Variants in CPNE4 observed in about 807,000 individuals in gnomAD.
The protein encoded by CPNE4 is copine-4.
In CPNE4, 25 loss-of-function variants were observed where a neutral mutation model predicts 67.9. The observed-to-expected ratio is 0.37, with a 90% confidence interval of 0.27 to 0.51. The LOEUF is 0.51. Ranked by LOEUF, CPNE4 falls within the 20% of genes least tolerant of loss-of-function variation. CPNE4 has a pLI of 0.93. For synonymous variants in CPNE4, 242 were observed against 244.9 expected, an observed-to-expected ratio of 0.99 and a Z score of 0.11; for missense variants, 464 against 690.8, an observed-to-expected ratio of 0.67 and a Z score of 3.68.
intron 2 of CPNE4, among the ~76,000 whole-genome samples, chr3:131,782,307 C>T (rs913173073): frequency 2.6e-5 from 4 of 152,072 alleles, no homozygotes; most frequent in Admixed American, 2.6e-4. Flanking sequence ...TTTACTATTA[C>T]TGTCTCATCT....
chr3:131,917,754 G>A (rs553320879), intron 1 of CPNE4, among the ~76,000 whole-genome samples: 4 of 152,318 alleles, frequency 2.6e-5, no homozygotes, highest in Admixed American at 2.0e-4. Context: ...TGCTGCAGAA[G>A]GGAACATTGG....
At position 131,601,107 on chromosome 3, in the gene CPNE4, G is replaced by A. The variant is rs987949944; in HGVS notation, c.682-13525C>T. Among the ~76,000 whole-genome samples, 5 of 152,160 alleles carry A rather than the reference G, an allele frequency of 3.3e-5. No homozygotes were observed. In the South Asian group the frequency reaches 6.2e-4, roughly 19 times the overall value. On this transcript the variant is annotated intron_variant, in intron 7 of 15. Transcript: ENST00000429747. ...GTATGGTGGAAACAGCAGCATTCTC[G>A]GGGTCATTCAGAATTCAATTCAAAT...
intron 2 of CPNE4, among the ~76,000 whole-genome samples, chr3:131,819,183 T>A (rs2084860957): frequency 6.6e-6 from 1 of 152,106 alleles, no homozygotes; most frequent in Non-Finnish European, 1.5e-5. Flanking sequence ...AAAGTATACA[T>A]CCAGTAATAC....
chr3:131,934,641 C>T (rs2071170048), intron 1 of CPNE4, among the ~76,000 whole-genome samples: 1 of 152,152 alleles, frequency 6.6e-6, no homozygotes, highest in African/African-American at 2.4e-5. Context: ...TCAGCTCCCA[C>T]TTATGAATGA....
intron 2 of CPNE4, among the ~76,000 whole-genome samples, chr3:131,813,345 G>A (rs563410641): frequency 2.0e-5 from 3 of 150,718 alleles, no homozygotes; most frequent in Non-Finnish European, 3.0e-5. Context: ...AGAATAGAAG[G>A]AGTTAACATA....
intron 7 of CPNE4, among the ~76,000 whole-genome samples, chr3:131,621,346 G>A (rs960391913): frequency 6.6e-6 from 1 of 152,122 alleles, no homozygotes; most frequent in African/African-American, 2.4e-5. Context: ...CTGGGCTCAA[G>A]TGATCCTCCT....
intron 3 of CPNE4, among the ~76,000 whole-genome samples, chr3:131,708,011 G>T (rs1395047882): frequency 6.6e-6 from 1 of 152,100 alleles, no homozygotes; most frequent in Non-Finnish European, 1.5e-5. Flanking sequence ...ACAAATGTTT[G>T]GGAAATGCTA....
chr3:131,600,633 C>T (rs536253525), intron 7 of CPNE4, among the ~76,000 whole-genome samples: 6 of 152,094 alleles, frequency 3.9e-5, no homozygotes, highest in South Asian at 2.1e-4. Context: ...ACTCTGACCC[C>T]GCCTCGAGAG....
At chr3:131,868,166 G>A (rs1341073806) in intron 2 of CPNE4, among the ~76,000 whole-genome samples, 1 of 152,124 alleles carries the variant, frequency 6.6e-6, no homozygotes, top group Non-Finnish European at 1.5e-5. Context: ...GTCCCCTGAT[G>A]TCATTTCTTT....
chr3:131,824,972 C>A (rs569415354), intron 2 of CPNE4, among the ~76,000 whole-genome samples: 5 of 152,098 alleles, frequency 3.3e-5, no homozygotes, highest in Non-Finnish European at 7.4e-5. Context: ...GATACTTGAA[C>A]TTCCACCATC....
At chr3:132,038,759 G>A (rs2107712053), upstream of CPNE4, among the ~76,000 whole-genome samples, 1 of 152,138 alleles carries the variant, frequency 6.6e-6, no homozygotes, top group East Asian at 1.9e-4. Context: ...CATTCCTCTG[G>A]GCTTAAGGAA....
At chr3:131,743,981 A>AAAAAAAAAAAAAAC (rs1560222926) in intron 2 of CPNE4, among the ~76,000 whole-genome samples, 1 of 148,962 alleles carries the variant, frequency 6.7e-6, no homozygotes, top group African/African-American at 2.4e-5. Context: ...AAAAAAAAAA[A>AAAAAAAAAAAAAAC]AAACAATAAA....
chr3:131,955,409 G>GGTTTTTTTTCTTTTTTTTTTTT (rs2071918898), intron 1 of CPNE4, among the ~76,000 whole-genome samples: 1 of 53,644 alleles, frequency 1.9e-5, no homozygotes, highest in Non-Finnish European at 3.9e-5. Context: ...TTGTATGTAA[G>GGTTTTTTTTCTTTTTTTTTTTT]GTTTTTTTTT....
intron 3 of CPNE4, among the ~76,000 whole-genome samples, chr3:131,702,728 A>G (rs2081332007): frequency 6.6e-6 from 1 of 152,144 alleles, no homozygotes; most frequent in Admixed American, 6.5e-5. Flanking sequence ...AGTAAAGGAG[A>G]CTAATCCCAA....
intron 14 of CPNE4, among the ~76,000 whole-genome samples, chr3:131,544,554 C>T (rs1935708723): frequency 6.6e-6 from 1 of 152,074 alleles, no homozygotes. Flanking sequence ...TGTATGTTTC[C>T]TTCTATGTCT....
chr3:131,825,635 A>T (rs1464747509), intron 2 of CPNE4, among the ~76,000 whole-genome samples: 1 of 152,210 alleles, frequency 6.6e-6, no homozygotes, highest in Non-Finnish European at 1.5e-5. Context: ...ATCATTTCAA[A>T]CTGAAAAAGA....
intron 5 of CPNE4, 21 bp downstream of exon 5, chr3:131,696,521 G>A: frequency 1.9e-6 from 3 of 1,609,028 alleles, no homozygotes; most frequent in African/African-American, 1.3e-5. Flanking sequence ...CCTTCAATAA[G>A]GTTAATGCCA....
chr3:131,926,879 C>T (rs73206081), intron 1 of CPNE4, among the ~76,000 whole-genome samples: 11,370 of 152,034 alleles, frequency 0.075, 568 homozygotes, highest in East Asian at 0.16. Flanking sequence ...ATAAAAAGCC[C>T]ACTGGAGAGA....
chr3:132,009,510 T>C (rs1283564604), intron 1 of CPNE4, among the ~76,000 whole-genome samples: 1 of 152,222 alleles, frequency 6.6e-6, no homozygotes, highest in Non-Finnish European at 1.5e-5. Flanking sequence ...TGGCTCTTAA[T>C]ACTTCCCCAG....
Sources: allele counts gnomAD v4.1 joint callset (sites outside exome capture counted in the v4.1 genomes callset), GRCh38; gene constraint gnomAD v4.1.1; transcripts MANE v1.5; gene names NCBI Gene and HGNC (gene_info 2026-07-23, HGNC 2026-07-21).